Variants in PARP2 observed in about 807,000 individuals in gnomAD.
The protein encoded by PARP2 is poly [ADP-ribose] polymerase 2.
Under a neutral mutation model 77.8 loss-of-function variants are expected in PARP2, and 57 were observed. That is an observed-to-expected ratio of 0.73 (90% CI 0.59 to 0.91). The LOEUF is 0.91. Among genes scored for constraint, PARP2 ranks in the 40% least tolerant of loss-of-function variants. The pLI is 0.00. For synonymous variants in PARP2, 226 were observed against 242.6 expected (o/e 0.93, Z 0.64); for missense variants, 651 against 689.0 (o/e 0.94, Z 0.62).
chr14:20,347,162 G>A (rs1379169675), intron 4 of PARP2, among the ~76,000 whole-genome samples: 2 of 149,124 alleles, frequency 1.3e-5, no homozygotes, highest in Non-Finnish European at 3.0e-5. Flanking sequence ...CCAAGTAGCT[G>A]GGGTTACAGG....
chr14:20,356,136 G>A lies in PARP2; in HGVS notation c.1101+105G>A, dbSNP rs565736414. On this transcript the variant is annotated intron_variant, in intron 11 of 15. Transcript: ENST00000429687. ...TGTCAAGAGCAAATTGTCAATTAGG[G>A]CAGACTTTTTATGTACTAGGGATTT... 470 of 1,457,020 alleles carry A rather than the reference G, an allele frequency of 3.2e-4. 1 individual carries two copies. The highest frequency in any genetic ancestry group is 4.2e-4 in the Non-Finnish European group (444 of 1,066,288). The allele number at this position is 1,457,020 out of a possible 1,614,324, so 90.3% of individuals were successfully genotyped here.
At chr14:20,343,766 T>C in intron 1 of PARP2, 79 bp downstream of exon 1, 1 of 1,444,312 alleles carries the variant, frequency 6.9e-7, no homozygotes, top group South Asian at 1.2e-5. Context: ...TGTGACCCCC[T>C]TCCCCTTCCA....
At position 20,357,357 on chromosome 14, in the gene PARP2, T is replaced by C. The variant is rs868528258; in HGVS notation, c.1429-39T>C. On this transcript the variant is annotated intron_variant, in intron 14 of 15. Coordinates refer to ENST00000429687, the MANE Select transcript of PARP2 (RefSeq NM_001042618.2). ...TTTGGCTTTGGAGCCATCTAATTCT[T>C]AGTAGGATATGGGAATTCAAAGGTT... 12 of 1,573,308 alleles carry C rather than the reference T, an allele frequency of 7.6e-6. No individual in the cohort carries two copies. In the Middle Eastern group the frequency reaches 1.5e-3, roughly 203 times the overall value.
rs745754037 is a variant in PARP2, at chr14:20,352,361, T to C, written c.600+14T>C. ...ACCAATACTCAGGTAACTCTCACTA[T>C]ACTTTTCGAAAGAAACACATCTTCT... On this transcript the variant is annotated intron_variant, in intron 7 of 15. Transcript: ENST00000429687. 5 of 1,458,774 alleles carry C rather than the reference T, an allele frequency of 3.4e-6. No individual in the cohort carries two copies. Among genetic ancestry groups the C allele is most frequent in the South Asian group, 1.2e-5 (1 of 85,870 alleles). The allele number at this position is 1,458,774 out of a possible 1,614,324, so 90.4% of individuals were successfully genotyped here.
intron 9 of PARP2, 89 bp downstream of exon 9, chr14:20,355,036 T>C (rs1884095047): frequency 8.2e-7 from 1 of 1,220,512 alleles, no homozygotes; most frequent in Admixed American, 2.5e-5. Flanking sequence ...TTTAAATCTT[T>C]TATTCCTAAG....
chr14:20,347,369 TATATATATATATATATATATA>T (rs1883781223), intron 4 of PARP2, among the ~76,000 whole-genome samples: 1 of 13,526 alleles, frequency 7.4e-5, no homozygotes, highest in African/African-American at 2.8e-4. Context: ...TATATATATA[TATATATATATATATATATATA>T]TATATATATT....
intron 14 of PARP2, 113 bp downstream of exon 14, chr14:20,357,262 C>T (rs897445618): frequency 7.6e-7 from 1 of 1,315,740 alleles, no homozygotes; most frequent in Admixed American, 1.8e-5. Flanking sequence ...GAGAGAGGAC[C>T]AAGTACAATT....
intron 3 of PARP2, among the ~76,000 whole-genome samples, chr14:20,346,364 G>T (rs931459652): frequency 7.4e-6 from 1 of 135,240 alleles, no homozygotes; most frequent in Non-Finnish European, 1.5e-5. Context: ...GTCTCACTCG[G>T]TCACCCAGGC....
intron 7 of PARP2, 165 bp downstream of exon 7, chr14:20,352,512 A>G (rs1333346113): frequency 6.2e-6 from 3 of 484,482 alleles, no homozygotes; most frequent in Non-Finnish European, 7.2e-6. Flanking sequence ...CCTCCTCAGT[A>G]TCAGGAACTA....
chr14:20,356,133 A>T (rs1566424503), intron 11 of PARP2, 102 bp downstream of exon 11: 5 of 1,463,084 alleles, frequency 3.4e-6, no homozygotes, highest in East Asian at 4.5e-5. Context: ...ATTGTCAATT[A>T]GGGCAGACTT....
At chr14:20,356,818 T>G in intron 13 of PARP2, 129 bp downstream of exon 13, 1 of 764,420 alleles carries the variant, frequency 1.3e-6, no homozygotes, top group Non-Finnish European at 2.3e-6. Flanking sequence ...CTGATAACCT[T>G]GTCATCTCTT....
intron 5 of PARP2, 158 bp from the exon 6 acceptor site, chr14:20,350,889 T>A: frequency 3.2e-6 from 2 of 634,858 alleles, no homozygotes; most frequent in Non-Finnish European, 5.6e-6. Context: ...ACTATGGCAG[T>A]TAGCAAGTAA....
chr14:20,356,777 G>T, intron 13 of PARP2, 88 bp downstream of exon 13: 2 of 1,035,008 alleles, frequency 1.9e-6, no homozygotes, highest in Non-Finnish European at 3.0e-6. Context: ...AGGATTAGAT[G>T]GTTCCCCTCC....
rs973831967 is a variant in PARP2 at position 20,343,694 on chromosome 14, A to T, written c.46+7A>T. On this transcript the variant is annotated splice_region_variant and intron_variant, in intron 1 of 15. Coordinates refer to ENST00000429687, the MANE Select transcript of PARP2 (RefSeq NM_001042618.2). The stretch of plus-strand genomic sequence containing the variant: ...GGCGGCGGCAGGGCGAGAGGTTCGG[A>T]GCTCAATATCGCGGGACGGCATGCG... 1.2e-6 allele frequency: 2 copies of T among 1,609,338 alleles called. No individual in the cohort carries two copies. The highest frequency in any genetic ancestry group is 3.4e-5 in the Admixed American group (2 of 59,324).
chr14:20,354,956 T>C lies in PARP2; in HGVS notation c.902+9T>C, dbSNP rs372225740. On this transcript the variant is annotated intron_variant, in intron 9 of 15. Transcript: ENST00000429687. ...ATTCCGCATGACTTTGGGTAAGGCC[T>C]GTGCTGTTACTTCACTTTGTTCTTC... The C allele has an allele frequency of 1.2e-6, 2 of 1,607,768 alleles. No individual in the cohort carries two copies. The highest frequency in any genetic ancestry group is 2.7e-5 in the African/African-American group (2 of 74,582).
In PARP2 at chr14:20,355,763, C is replaced by T. The variant is rs550174077; in HGVS notation, c.914C>T (p.Pro305Leu). ...RIPHDFGLRTPPLIRTQKELS... is the reference protein window; with the variant it reads ...RIPHDFGLRTLPLIRTQKELS... ...ATCTCTGTTCTTAGACTCCGTACTC[C>T]TCCACTAATCCGGACACAGAAGGAA... Residue 305 changes from proline to leucine, a missense_variant, in exon 10 of 16, where the codon CCT becomes CTT. Coordinates refer to ENST00000429687, the MANE Select transcript of PARP2 (RefSeq NM_001042618.2). 2.5e-6 allele frequency: 4 copies of T among 1,613,280 alleles called. No individual in the cohort carries two copies. The highest frequency in any genetic ancestry group is 1.1e-5 in the South Asian group (1 of 91,070).
At chr14:20,351,504 G>A (rs1390302186) in intron 6 of PARP2, among the ~76,000 whole-genome samples, 1 of 152,092 alleles carries the variant, frequency 6.6e-6, no homozygotes, top group Non-Finnish European at 1.5e-5. Context: ...TAAGTGTGTG[G>A]CTTATAAAAA....
At chr14:20,350,497 T>TTTTTTG (rs747540603) in intron 4 of PARP2, 29 bp from the exon 5 acceptor site, 20 of 1,281,986 alleles carry the variant, frequency 1.6e-5, no homozygotes, top group Non-Finnish European at 2.2e-5. Flanking sequence ...AAAACTCCTT[T>TTTTTTG]TTTTTGTTTT....
chr14:20,347,174 G>A (rs1437265978), intron 4 of PARP2, among the ~76,000 whole-genome samples: 11 of 147,860 alleles, frequency 7.4e-5, no homozygotes, highest in East Asian at 2.0e-4. Context: ...GGTTACAGGC[G>A]TGCACCACCA....
Sources: gnomAD v4.1 joint callset for allele counts (sites outside exome capture counted in the v4.1 genomes callset) on GRCh38, gnomAD v4.1.1 for gene constraint, MANE v1.5 for transcripts, NCBI Gene and HGNC (gene_info 2026-07-23, HGNC 2026-07-21) for gene names.